PIN4: variants seen among roughly 807,000 people sequenced by gnomAD.
PIN4 encodes the protein peptidylprolyl cis/trans isomerase, NIMA-interacting 4, also known as peptidyl-prolyl cis-trans isomerase NIMA-interacting 4.
Under a neutral mutation model 8.3 loss-of-function variants are expected in PIN4, and 3 were observed. The observed-to-expected ratio is 0.36, with a 90% CI of 0.16 to 0.93. The LOEUF (loss-of-function observed/expected upper bound fraction) is 0.93, where lower values mean the gene tolerates loss of function less well. Among genes scored for constraint, PIN4 ranks in the 40% least tolerant of loss-of-function variants. The pLI, the probability that PIN4 is intolerant of heterozygous loss-of-function variation, is 0.44. For missense variants in PIN4, 75 were observed against 100.6 expected, an observed-to-expected ratio of 0.75 and a Z score of 1.09; for synonymous variants, 18 against 32.5, an observed-to-expected ratio of 0.55 and a Z score of 1.52.
intron 3 of PIN4, chrX:72,207,382 A>G (rs923238793): frequency 8.3e-7 from 1 of 1,210,871 alleles, no homozygotes. Flanking sequence ...TAGGAATATC[A>G]TTTTTCCAGA....
chrX:72,253,778 A>AC (rs1457820733), intron 3 of PIN4, among the ~76,000 whole-genome samples: 10 of 109,462 alleles, frequency 9.1e-5, no homozygotes, highest in African/African-American at 3.3e-4. Flanking sequence ...CTACAAAAAA[A>AC]AAAACAAAAG....
chrX:72,195,269 G>T (rs1238124330), intron 2 of PIN4, among the ~76,000 whole-genome samples: 1 of 111,814 alleles, frequency 8.9e-6, no homozygotes, highest in African/African-American at 3.3e-5. Flanking sequence ...AGGGTTGGGC[G>T]TTCTTAATAT....
chrX:72,243,550 T>C (rs1407445719), intron 3 of PIN4, among the ~76,000 whole-genome samples: 4 of 112,044 alleles, frequency 3.6e-5, no homozygotes. Flanking sequence ...TGAAGCTTGT[T>C]ACAGAGGTTC....
intron 1 of PIN4, among the ~76,000 whole-genome samples, chrX:72,183,055 T>C (rs1341608500): frequency 1.8e-5 from 2 of 111,292 alleles, no homozygotes; most frequent in Admixed American, 1.9e-4. Flanking sequence ...TCTGTAAATA[T>C]TAGGATGTGA....
chrX:72,222,246 A>G (rs892071400), intron 3 of PIN4, among the ~76,000 whole-genome samples: 2 of 112,056 alleles, frequency 1.8e-5, no homozygotes, highest in Non-Finnish European at 3.8e-5. Flanking sequence ...AATCCCTATC[A>G]CTATCGCAGG....
chrX:72,259,810 A>C (rs949160328), intron 3 of PIN4, among the ~76,000 whole-genome samples: 12 of 99,067 alleles, frequency 1.2e-4, no homozygotes, highest in Non-Finnish European at 2.2e-4. Context: ...GGCTCACCGC[A>C]ACCTCCGCTT....
At chrX:72,233,407 T>A (rs1392688033) in intron 3 of PIN4, among the ~76,000 whole-genome samples, 2 of 111,683 alleles carry the variant, frequency 1.8e-5, no homozygotes, top group Non-Finnish European at 3.8e-5. Flanking sequence ...GTTGTAGACC[T>A]TCTTTGGATC....
At chrX:72,228,637 A>T (rs1317629060) in intron 3 of PIN4, among the ~76,000 whole-genome samples, 1 of 111,744 alleles carries the variant, frequency 8.9e-6, no homozygotes, top group Non-Finnish European at 1.9e-5. Context: ...TACCCTTACG[A>T]AACTCCCATT....
At chrX:72,214,990 A>C (rs1326437455) in intron 3 of PIN4, among the ~76,000 whole-genome samples, 1 of 111,800 alleles carries the variant, frequency 8.9e-6, no homozygotes, top group African/African-American at 3.3e-5. Context: ...CTGACTCAAA[A>C]CAAACAAACA....
At chrX:72,218,217 T>G (rs1453316445) in intron 3 of PIN4, among the ~76,000 whole-genome samples, 1 of 103,074 alleles carries the variant, frequency 9.7e-6, no homozygotes, top group African/African-American at 3.6e-5. Flanking sequence ...TTGCAGTGAG[T>G]CAAGATCGCA....
At chrX:72,239,081 A>G in intron 3 of PIN4, 1 of 470,599 alleles carries the variant, frequency 2.1e-6, no homozygotes, top group Non-Finnish European at 3.5e-6. Context: ...GCGGCCGGCC[A>G]ATCCGCGACC....
At chrX:72,241,079 G>T (rs1273268512) in intron 3 of PIN4, among the ~76,000 whole-genome samples, 1 of 110,966 alleles carries the variant, frequency 9.0e-6, no homozygotes, top group Non-Finnish European at 1.9e-5. Context: ...GGCGGGAAAT[G>T]AGGTTGATGA....
chrX:72,208,291 G>A (rs1271513463), intron 3 of PIN4: 14 of 1,211,877 alleles, frequency 1.2e-5, no homozygotes, highest in Non-Finnish European at 1.5e-5. Context: ...TTTTACCCAT[G>A]TGTTAATAAG....
intron 3 of PIN4, among the ~76,000 whole-genome samples, chrX:72,253,105 G>A (rs767765762): frequency 1.4e-4 from 16 of 111,162 alleles, no homozygotes; most frequent in Non-Finnish European, 2.6e-4. Context: ...CTCTACAAAC[G>A]GCACCACTCA....
intron 3 of PIN4, among the ~76,000 whole-genome samples, chrX:72,203,795 A>AAAT (rs1319834433): frequency 8.9e-6 from 1 of 111,973 alleles, no homozygotes. Context: ...GGTAAGGCTG[A>AAAT]AATGAGAAAC....
intron 3 of PIN4, among the ~76,000 whole-genome samples, chrX:72,240,317 G>A (rs972693042): frequency 9.0e-6 from 1 of 111,480 alleles, no homozygotes; most frequent in African/African-American, 3.3e-5. Flanking sequence ...TGGCTTGCTT[G>A]GGTGACACTA....
Position 72,222,887 on chromosome X carries a change from C to T in PIN4, c.312+25983C>T, listed in dbSNP as rs376281398. Among the ~76,000 whole-genome samples the T allele has an allele frequency of 7.2e-4, 78 of 107,608 alleles. No individual in the cohort carries two copies. In the East Asian group the frequency reaches 9.7e-3, roughly 13 times the overall value. The allele number at this position is 107,608 out of a possible 115,157, so 93.4% of individuals were successfully genotyped here. A position where few individuals can be genotyped will look rare whatever the true frequency, so the allele number is the denominator to read the frequency against. ...CTGGGATTACAGGCATGAGCCACTG[C>T]GCCCGGCCTGAATCCTGCCCTTTTC... is the stretch of plus-strand genomic sequence containing the variant. On this transcript the variant is annotated intron_variant, in intron 3 of 3. Coordinates refer to the PIN4 transcript ENST00000423432.
At chrX:72,207,157 T>C (rs1174231068) in intron 3 of PIN4, 1 of 1,211,153 alleles carries the variant, frequency 8.3e-7, no homozygotes, top group Admixed American at 2.2e-5. Context: ...ACCACCTACT[T>C]GAGTGGTAAG....
chrX:72,233,131 T>C (rs1461130945), intron 3 of PIN4, among the ~76,000 whole-genome samples: 1 of 111,373 alleles, frequency 9.0e-6, no homozygotes, highest in Non-Finnish European at 1.9e-5. Flanking sequence ...TTCAATAGCA[T>C]TATTGAAAGT....
Sources: gnomAD v4.1 joint callset for allele counts (sites outside exome capture counted in the v4.1 genomes callset) on GRCh38, gnomAD v4.1.1 for gene constraint, MANE v1.5 for transcripts, NCBI Gene and HGNC (gene_info 2026-07-23, HGNC 2026-07-21) for gene names.